NEK6: variants seen among roughly 807,000 people sequenced by gnomAD.
NEK6 encodes serine/threonine-protein kinase Nek6.
NEK6 carries 27 observed loss-of-function variants against 43.5 expected under a neutral mutation model. The observed-to-expected ratio is 0.62, with a 90% CI of 0.46 to 0.86. NEK6 has a LOEUF of 0.86. NEK6 is among the 40% of genes least tolerant of loss of function. The pLI is 0.00. For missense variants in NEK6, 318 were observed against 414.4 expected, an observed-to-expected ratio of 0.77 and a Z score of 2.02; for synonymous variants, 167 against 164.1, an observed-to-expected ratio of 1.02 and a Z score of -0.14.
chr9:124,340,665 C>G (rs1231231030), intron 8 of NEK6, among the ~76,000 whole-genome samples: 1 of 152,216 alleles, frequency 6.6e-6, no homozygotes. Context: ...CTGACTTGAG[C>G]AGATGTGGGG....
Position 124,350,968 on chromosome 9 carries a change from A to G in NEK6, c.*21A>G. 1 of 1,562,784 alleles carries G rather than the reference A, an allele frequency of 6.4e-7. No homozygotes were observed. The highest frequency in any genetic ancestry group is 8.8e-7 in the Non-Finnish European group (1 of 1,141,466). On this transcript the variant is annotated 3_prime_UTR_variant, in exon 10 of 10. Coordinates refer to ENST00000320246, the MANE Select transcript of NEK6 (RefSeq NM_014397.6). ...CCTGAGCGTGGATGCACCGTGCCTT[A>G]TCAAAGCCAGCACCACTTTGCCTTA... is the stretch of plus-strand genomic sequence containing the variant.
intron 1 of NEK6, among the ~76,000 whole-genome samples, chr9:124,287,175 C>G (rs1360194989): frequency 6.6e-6 from 1 of 152,142 alleles, no homozygotes; most frequent in Non-Finnish European, 1.5e-5. Flanking sequence ...GGGGAAAGAC[C>G]TAGGGGCCAG....
chr9:124,330,631 CTT>C (rs1828932803), intron 7 of NEK6, among the ~76,000 whole-genome samples: 1 of 152,266 alleles, frequency 6.6e-6, no homozygotes, highest in Admixed American at 6.5e-5. Flanking sequence ...TCTCCCAGGG[CTT>C]AGCCTGGCGC....
At chr9:124,293,374 A>G (rs925248426) in intron 1 of NEK6, among the ~76,000 whole-genome samples, 6 of 152,210 alleles carry the variant, frequency 3.9e-5, no homozygotes, top group African/African-American at 1.2e-4. Context: ...ATCTTCAGGG[A>G]GGCTGGGAGC....
At chr9:124,334,805 C>T (rs1333277414) in intron 7 of NEK6, among the ~76,000 whole-genome samples, 1 of 152,206 alleles carries the variant, frequency 6.6e-6, no homozygotes. Flanking sequence ...GCCAGGCACT[C>T]CAAGCCCTTG....
intron 9 of NEK6, among the ~76,000 whole-genome samples, chr9:124,348,406 G>A (rs1015750095): frequency 2.6e-5 from 4 of 152,166 alleles, no homozygotes; most frequent in Admixed American, 6.5e-5. Flanking sequence ...CTTATTCCTC[G>A]GCTCCGTCAC....
chr9:124,321,493 A>T lies in NEK6; in HGVS notation c.329A>T (p.Asp110Val). 1 of 1,613,728 alleles carries T rather than the reference A, an allele frequency of 6.2e-7. No individual in the cohort carries two copies. The highest frequency in any genetic ancestry group is 1.3e-5 in the African/African-American group (1 of 74,996). ...CACCCAAATATCATCAAGTATTTGG[A>T]CTCGTTTATCGAAGACAACGAGCTG... ...LNHPNIIKYL[D>V]SFIEDNELNI... Residue 110 changes from aspartate to valine, a missense_variant, in exon 5 of 10, where the codon GAC (aspartate) becomes GTC (valine). Transcript: ENST00000320246.
chr9:124,268,579 T>G (rs907536394), intron 1 of NEK6, among the ~76,000 whole-genome samples: 1 of 152,190 alleles, frequency 6.6e-6, no homozygotes, highest in Non-Finnish European at 1.5e-5. Flanking sequence ...GGGTCTTTAG[T>G]CCTGGCTCTC....
Position 124,347,744 on chromosome 9 carries a change from G to A in NEK6, c.753G>A (p.Lys251=). The A allele has an allele frequency of 1.4e-5, 22 of 1,613,008 alleles. No homozygotes were observed. Among genetic ancestry groups the A allele is most frequent in the Non-Finnish European group, 1.8e-5 (21 of 1,179,434 alleles). The stretch of plus-strand genomic sequence containing the variant: ...TCCAGAGCCCCTTCTATGGAGATAA[G>A]ATGAATCTCTTCTCCCTGTGCCAGA... ...AALQSPFYGD[K]MNLFSLCQKI... Residue 251 remains lysine, a synonymous_variant, in exon 9 of 10, where the codon AAG becomes AAA. Transcript: ENST00000320246.
At chr9:124,316,405 C>G (rs1343489561) in intron 4 of NEK6, among the ~76,000 whole-genome samples, 1 of 152,226 alleles carries the variant, frequency 6.6e-6, no homozygotes, top group Non-Finnish European at 1.5e-5. Context: ...TCCGGGAGGG[C>G]CTGGAGCTTG....
chr9:124,299,197 C>T (rs1015474491), intron 1 of NEK6, among the ~76,000 whole-genome samples: 8 of 152,208 alleles, frequency 5.3e-5, no homozygotes, highest in Non-Finnish European at 7.3e-5. Flanking sequence ...GCATGGGTCT[C>T]GCAGGGGTGA....
At chr9:124,325,610 G>A (rs1205498815) in intron 5 of NEK6, among the ~76,000 whole-genome samples, 9 of 152,250 alleles carry the variant, frequency 5.9e-5, no homozygotes, top group South Asian at 4.1e-4. Context: ...TAGCTGAGCC[G>A]TGGCTGTCAC....
rs568048550 is a variant in NEK6, at chr9:124,287,483, A to G, written c.-29-14453A>G. On this transcript the variant is annotated intron_variant, in intron 1 of 9. Coordinates refer to ENST00000320246, the MANE Select transcript of NEK6 (RefSeq NM_014397.6). ...ACTCTTCCCACCTTTCAAGGTTGTCATGCGGCTCCCTATGATAGTGTGGAC... is the reference window on the plus strand; with the variant it reads ...ACTCTTCCCACCTTTCAAGGTTGTCGTGCGGCTCCCTATGATAGTGTGGAC... 1.7e-4 allele frequency among the ~76,000 whole-genome samples: 26 copies of G among 152,338 alleles called. 1 individual carries two copies. The East Asian group carries it at 1.7e-3, about 10-fold the overall frequency.
At chr9:124,261,649 C>A in intron 1 of NEK6, 1 of 914,768 alleles carries the variant, frequency 1.1e-6, no homozygotes. Flanking sequence ...ATTTCCATTT[C>A]GATCACGGCT....
chr9:124,314,041 C>A (rs1833691410), intron 4 of NEK6, 56 bp downstream of exon 4: 5 of 1,517,450 alleles, frequency 3.3e-6, no homozygotes, highest in Middle Eastern at 1.9e-4. Flanking sequence ...TCTGGGGCCG[C>A]GGCTGGGCCA....
intron 1 of NEK6, chr9:124,292,851 G>T (rs1832490808): frequency 6.9e-7 from 1 of 1,446,462 alleles, no homozygotes; most frequent in East Asian, 2.6e-5. Context: ...TGTTCAAGGA[G>T]AAGAAGACAC....
At chr9:124,286,404 T>C (rs993382130) in intron 1 of NEK6, 1 of 152,170 alleles carries the variant, frequency 6.6e-6, no homozygotes, top group African/African-American at 2.4e-5. Flanking sequence ...AGGTGTCCTC[T>C]GTTGACAGGG....
intron 1 of NEK6, chr9:124,292,970 A>C: frequency 1.3e-6 from 2 of 1,576,812 alleles, no homozygotes; most frequent in African/African-American, 2.7e-5. Context: ...GCTGGGAGGC[A>C]GCTCATTTCC....
At chr9:124,289,136 A>G (rs545866880) in intron 1 of NEK6, among the ~76,000 whole-genome samples, 29 of 142,630 alleles carry the variant, frequency 2.0e-4, no homozygotes, top group Admixed American at 2.0e-3. Flanking sequence ...GTGAGCCACC[A>G]CGCCTGACCT....
Sources: allele counts gnomAD v4.1 joint callset (sites outside exome capture counted in the v4.1 genomes callset), GRCh38; gene constraint gnomAD v4.1.1; transcripts MANE v1.5; gene names NCBI Gene and HGNC (gene_info 2026-07-23, HGNC 2026-07-21).